The following EDEM2 variants were observed in gnomAD, a reference collection of about 807,000 sequenced individuals.
EDEM2 encodes the protein ER degradation enhancing alpha-mannosidase like protein 2, also known as ER degradation-enhancing alpha-mannosidase-like protein 2.
Under a neutral mutation model 64.8 loss-of-function variants are expected in EDEM2, and 39 were observed. The ratio of observed to expected loss-of-function variants is 0.60; its 90% CI spans 0.47 to 0.79. The LOEUF (loss-of-function observed/expected upper bound fraction) is 0.79, where lower values mean the gene tolerates loss of function less well. EDEM2 is among the 30% of genes least tolerant of loss of function. The pLI is 0.00. For missense variants in EDEM2, 609 were observed against 731.3 expected, an observed-to-expected ratio of 0.83 and a Z score of 1.93; for synonymous variants, 296 against 291.5, an observed-to-expected ratio of 1.02 and a Z score of -0.16.
chr20:35,147,255 G>T lies in EDEM2; in HGVS notation c.4C>A (p.Pro2Thr). The change falls in exon 1 of 11, where the codon CCT (proline) becomes ACT (threonine). Residue 2 changes from proline (P) to threonine (T), a missense_variant. Transcript: ENST00000374492. The part of the protein sequence containing the change: M[P>T]FRLLIPLGLL... Reference sequence around the variant, plus strand: ...CCGAGCGGGATGAGCAGCCGGAAAGGCATAGAGCTCGTGTCCTCTCAGCGC... The same window carrying T: ...CCGAGCGGGATGAGCAGCCGGAAAGTCATAGAGCTCGTGTCCTCTCAGCGC... The T allele has an allele frequency of 1.9e-6, 3 of 1,570,866 alleles. No individual in the cohort carries two copies. Among genetic ancestry groups the T allele is most frequent in the Non-Finnish European group, 1.7e-6 (2 of 1,154,756 alleles).
At chr20:35,123,588 A>G (rs6579219) in intron 9 of EDEM2, among the ~76,000 whole-genome samples, 92,563 of 151,894 alleles carry the variant, frequency 0.61, 28,427 homozygotes, top group Admixed American at 0.71. Flanking sequence ...GCGAAACTCC[A>G]TCTCAAAAAA....
At chr20:35,141,978 T>C (rs1028673156) in intron 4 of EDEM2, among the ~76,000 whole-genome samples, 1 of 152,242 alleles carries the variant, frequency 6.6e-6, no homozygotes, top group African/African-American at 2.4e-5. Context: ...ATGTGGTTCG[T>C]GGCTACCATA....
At chr20:35,133,040 C>T (rs73903015) in intron 6 of EDEM2, among the ~76,000 whole-genome samples, 4,516 of 152,174 alleles carry the variant, frequency 0.03, 226 homozygotes, top group African/African-American at 0.1. Context: ...GCAAGGGAGG[C>T]GGCATTTAAG....
intron 4 of EDEM2, among the ~76,000 whole-genome samples, chr20:35,141,896 C>G (rs1369021258): frequency 6.6e-6 from 1 of 152,146 alleles, no homozygotes; most frequent in African/African-American, 2.4e-5. Context: ...AATTTAATAT[C>G]ATTAAAATTA....
chr20:35,124,007 T>A lies in EDEM2; in HGVS notation c.997A>T (p.Met333Leu). 2 of 1,613,894 alleles carry A rather than the reference T, an allele frequency of 1.2e-6. No homozygotes were observed. Among genetic ancestry groups the A allele is most frequent in the Non-Finnish European group, 1.7e-6 (2 of 1,179,800 alleles). The stretch of plus-strand genomic sequence containing the variant: ...GTGTAGTAGTTGAGGAAGGTCCTCA[T>A]GGCATTGTCAATGTCTCCAATGAGG... Reference protein sequence around the residue: ...QSLIGDIDNAMRTFLNYYTVW... With the variant: ...QSLIGDIDNALRTFLNYYTVW... Residue 333 changes from methionine (M) to leucine (L), a missense_variant, in exon 9 of 11, where the codon ATG (methionine) becomes TTG (leucine). Met to Leu is a conservative substitution (Grantham distance 15, BLOSUM62 2). Coordinates refer to ENST00000374492, the MANE Select transcript of EDEM2 (RefSeq NM_018217.3).
Position 35,146,847 on chromosome 20 carries a change from C to T in EDEM2, c.196G>A (p.Asp66Asn), listed in dbSNP as rs2085740069. ...PFDELRPLTC[D>N]GHDTWGSFSL... The stretch of plus-strand genomic sequence containing the variant: ...TACCTGCCCCAGGTGTCGTGCCCGT[C>T]ACAGGTGAGAGGTCGCAGCTCATCG... The change falls in exon 2 of 11, where the codon GAC becomes AAC. Residue 66 changes from aspartate (D) to asparagine (N), a missense_variant. Asp to Asn is a conservative substitution (Grantham distance 23). Transcript: ENST00000374492. 6.2e-7 allele frequency: 1 copy of T among 1,614,000 alleles called. No individual in the cohort carries two copies.
Position 35,134,788 on chromosome 20 carries a change from C to A in EDEM2, c.652G>T (p.Ala218Ser). ...LTGDPVFEDV[A>S]RVALMRLWES... ...CAGAGGCGCATCAAAGCCACTCTGG[C>A]CACATCTTCGAACACCGGGTCACCA... The change falls in exon 6 of 11, where the codon GCC becomes TCC. Residue 218 changes from alanine to serine, a missense_variant. Physicochemically the swap from Ala to Ser is moderately conservative, Grantham distance 99. Transcript: ENST00000374492. The A allele has an allele frequency of 6.2e-7, 1 of 1,614,016 alleles. No individual in the cohort carries two copies. The highest frequency in any genetic ancestry group is 8.5e-7 in the Non-Finnish European group (1 of 1,180,036).
intron 5 of EDEM2, among the ~76,000 whole-genome samples, chr20:35,136,151 G>A (rs1210103928): frequency 6.6e-6 from 1 of 152,222 alleles, no homozygotes; most frequent in Admixed American, 6.5e-5. Flanking sequence ...ACCAGCGGGA[G>A]AGCAAGTCAC....
At chr20:35,143,559 T>C (rs1379038577) in intron 3 of EDEM2, among the ~76,000 whole-genome samples, 3 of 152,230 alleles carry the variant, frequency 2.0e-5, no homozygotes, top group African/African-American at 7.2e-5. Flanking sequence ...ACCCTCTTTA[T>C]TTAAACCGTT....
Position 35,115,445 on chromosome 20 carries a change from T to A in EDEM2, c.1725A>T (p.Leu575=). ...AATTATCCAGTGGTTATGAGGAGTC[T>A]AGGAAAACCTGTCCCAGTAATGCCA... is the stretch of plus-strand genomic sequence containing the variant. ...SKLALLGQVF[L]DSS Residue 575 remains leucine, a synonymous_variant, in exon 11 of 11, where the codon CTA becomes CTT. Coordinates refer to ENST00000374492, the MANE Select transcript of EDEM2 (RefSeq NM_018217.3). 6.2e-7 allele frequency: 1 copy of A among 1,613,668 alleles called. No homozygotes were observed. Among genetic ancestry groups the A allele is most frequent in the Non-Finnish European group, 8.5e-7 (1 of 1,179,740 alleles).
Position 35,137,934 on chromosome 20 carries a change from A to G in EDEM2, c.436T>C (p.Cys146Arg), listed in dbSNP as rs534428448. Residue 146 changes from cysteine to arginine, a missense_variant, in exon 5 of 11, where the codon TGT becomes CGT. Coordinates refer to ENST00000374492, the MANE Select transcript of EDEM2 (RefSeq NM_018217.3). ...AGVEVEAGWP[C>R]SGPLLRMAEE... ...GCCATTCTCAGGAGAGGCCCGGAAC[A>G]GGGCCATCCAGCCTCTACTTCCACC... 10 of 1,614,202 alleles carry G rather than the reference A, an allele frequency of 6.2e-6. No homozygotes were observed. The South Asian group carries it at 1.1e-4, about 18-fold the overall frequency.
intron 8 of EDEM2, among the ~76,000 whole-genome samples, chr20:35,125,567 G>C (rs2085421667): frequency 6.6e-6 from 1 of 151,816 alleles, no homozygotes; most frequent in Non-Finnish European, 1.5e-5. Context: ...TGTATTTTTA[G>C]TAGAGATGGG....
At chr20:35,141,858 A>G (rs918516931) in intron 4 of EDEM2, among the ~76,000 whole-genome samples, 12 of 152,224 alleles carry the variant, frequency 7.9e-5, no homozygotes, top group African/African-American at 2.7e-4. Context: ...GTCCAATACA[A>G]TAATCACTAA....
At chr20:35,141,981 C>T (rs1248543809) in intron 4 of EDEM2, among the ~76,000 whole-genome samples, 1 of 152,174 alleles carries the variant, frequency 6.6e-6, no homozygotes, top group African/African-American at 2.4e-5. Flanking sequence ...TGGTTCGTGG[C>T]TACCATACTG....
Position 35,117,368 on chromosome 20 carries a change from G to T in EDEM2, c.1236+1230C>A, listed in dbSNP as rs2085321216. 2.0e-5 allele frequency among the ~76,000 whole-genome samples: 3 copies of T among 152,162 alleles called. No individual in the cohort carries two copies. In the Middle Eastern group the frequency reaches 0.01, roughly 518 times the overall value. On this transcript the variant is annotated intron_variant, in intron 10 of 10. Transcript: ENST00000374492. ...ACATTTAAAAATATGACTCAAATAT[G>T]GTCTTGATGTATCAAGATGATTATT...
At chr20:35,116,040 T>C (rs961652524) in intron 10 of EDEM2, 107 bp from the exon 11 acceptor site, 2 of 1,241,050 alleles carry the variant, frequency 1.6e-6, no homozygotes, top group South Asian at 2.9e-5. Context: ...GCTGAGGGCC[T>C]GTGAGCAAAT....
At chr20:35,119,700 T>C (rs980718485) in intron 9 of EDEM2, among the ~76,000 whole-genome samples, 3 of 152,208 alleles carry the variant, frequency 2.0e-5, no homozygotes, top group Non-Finnish European at 2.9e-5. Context: ...TGATGTTTTG[T>C]CTTGCCCAAT....
intron 8 of EDEM2, among the ~76,000 whole-genome samples, 156 bp downstream of exon 8, chr20:35,126,095 A>G (rs562792056): frequency 6.6e-6 from 1 of 152,300 alleles, no homozygotes; most frequent in Admixed American, 6.5e-5. Flanking sequence ...CTCTAAATCT[A>G]TCTAATTCAC....
rs1001246182 is a variant in EDEM2, at chr20:35,126,306, C to T, written c.914G>A (p.Gly305Glu). Residue 305 changes from glycine (G) to glutamate (E), a missense_variant, in exon 8 of 11, where the codon GGG becomes GAG. By Grantham distance (98) the Gly-to-Glu change is moderately conservative. Transcript: ENST00000374492. ...CTGGAAGACTGGCATGGACACAGTC[C>T]CCTTGTACATCTGAACCCACAGGTA... is the stretch of plus-strand genomic sequence containing the variant. ...DWYLWVQMYK[G>E]TVSMPVFQSL... is the part of the protein sequence containing the mutation. 4 of 1,614,100 alleles carry T rather than the reference C, an allele frequency of 2.5e-6. No individual in the cohort carries two copies. Among genetic ancestry groups the T allele is most frequent in the Non-Finnish European group, 3.4e-6 (4 of 1,180,052 alleles).
Sources: allele counts gnomAD v4.1 joint callset (sites outside exome capture counted in the v4.1 genomes callset), GRCh38; gene constraint gnomAD v4.1.1; transcripts MANE v1.5; gene names NCBI Gene and HGNC (gene_info 2026-07-23, HGNC 2026-07-21).